Variants in DSG3 observed in about 807,000 individuals in gnomAD.
DSG3 encodes the protein desmoglein 3.
Under a neutral mutation model 85.9 loss-of-function variants are expected in DSG3, and 63 were observed. The ratio of observed to expected loss-of-function variants is 0.73; its 90% confidence interval spans 0.60 to 0.90. The LOEUF is 0.90. DSG3 is among the 40% of genes least tolerant of loss of function. DSG3 has a pLI of 0.00. For missense variants in DSG3, 1,220 were observed against 1,219.9 expected, an observed-to-expected ratio of 1.00 and a Z score of 0.00; for synonymous variants, 447 against 441.9, an observed-to-expected ratio of 1.01 and a Z score of -0.14.
chr18:31,472,331 G>A lies in DSG3; in HGVS notation c.1945G>A (p.Gly649Arg). 1.9e-6 allele frequency: 3 copies of A among 1,614,144 alleles called. No homozygotes were observed. Among genetic ancestry groups the A allele is most frequent in the Non-Finnish European group, 2.5e-6 (3 of 1,180,000 alleles). Reference protein sequence around the residue: ...LTCDCGAGSTGGVTGGFIPVP... With the variant: ...LTCDCGAGSTRGVTGGFIPVP... ...CTGTGACTGTGGGGCAGGTTCTACTGGGGGAGTGACAGGTGGTTTTATCCC... is the reference window on the plus strand; with the variant it reads ...CTGTGACTGTGGGGCAGGTTCTACTAGGGGAGTGACAGGTGGTTTTATCCC... The change falls in exon 13 of 16, where the codon GGG (glycine) becomes AGG (arginine). Residue 649 changes from glycine to arginine, a missense_variant. Physicochemically the swap from Gly to Arg is moderately radical, Grantham distance 125. Transcript: ENST00000257189.
intron 11 of DSG3, among the ~76,000 whole-genome samples, 197 bp from the exon 12 acceptor site, chr18:31,468,892 C>G (rs1035233026): frequency 2.6e-5 from 4 of 152,092 alleles, no homozygotes; most frequent in Non-Finnish European, 5.9e-5. Context: ...CCACCTTCCA[C>G]CGTGGGATGA....
chr18:31,476,391 C>A lies in DSG3; in HGVS notation c.*131C>A. On this transcript the variant is annotated 3_prime_UTR_variant, in exon 16 of 16. Transcript: ENST00000257189. The stretch of plus-strand genomic sequence containing the variant: ...ATTAGCTTCTCTCATAAACTGATCA[C>A]GATTATAAATTAAATGTTTGGGTTC... 9.4e-7 allele frequency: 1 copy of A among 1,065,408 alleles called. No individual in the cohort carries two copies. Among genetic ancestry groups the A allele is most frequent in the Non-Finnish European group, 1.3e-6 (1 of 762,544 alleles). The allele number at this position is 1,065,408 out of a possible 1,614,324, so 66.0% of individuals were successfully genotyped here.
At chr18:31,466,968 C>T (rs567768383) in intron 11 of DSG3, among the ~76,000 whole-genome samples, 1 of 152,130 alleles carries the variant, frequency 6.6e-6, no homozygotes, top group Non-Finnish European at 1.5e-5. Flanking sequence ...ATTTTGAATC[C>T]TTTTTAGGGT....
At chr18:31,459,671 C>T (rs2072771206) in intron 5 of DSG3, among the ~76,000 whole-genome samples, 174 bp from the exon 6 acceptor site, 1 of 152,072 alleles carries the variant, frequency 6.6e-6, no homozygotes, top group Admixed American at 6.6e-5. Context: ...CACAGTTCTA[C>T]CTGGTTGGGA....
Position 31,469,357 on chromosome 18 carries a change from G to A in DSG3, c.1897+8G>A. 6.2e-7 allele frequency: 1 copy of A among 1,612,112 alleles called. No individual in the cohort carries two copies. The highest frequency in any genetic ancestry group is 8.5e-7 in the Non-Finnish European group (1 of 1,179,830). On this transcript the variant is annotated splice_region_variant and intron_variant, in intron 12 of 15. Coordinates refer to ENST00000257189, the MANE Select transcript of DSG3 (RefSeq NM_001944.3). ...GTCTCCTGCTGCTGCTGTGTGAGTA[G>A]CCAATGTTTCATTCTCTGTTGGACC...
In DSG3 at chr18:31,472,421, A is replaced by G; in HGVS notation, c.2035A>G (p.Lys679Glu). The G allele has an allele frequency of 6.2e-7, 1 of 1,612,228 alleles. No individual in the cohort carries two copies. The highest frequency in any genetic ancestry group is 8.5e-7 in the Non-Finnish European group (1 of 1,179,544). Residue 679 changes from lysine (K) to glutamate (E), a missense_variant and splice_region_variant, in exon 13 of 16, where the codon AAG (lysine) becomes GAG (glutamate). Coordinates refer to ENST00000257189, the MANE Select transcript of DSG3 (RefSeq NM_001944.3). Reference protein sequence around the residue: ...WGIEGAHPEDKEITNICVPPV... With the variant: ...WGIEGAHPEDEEITNICVPPV... ...AATTGAAGGAGCCCATCCTGAAGAC[A>G]AGGTAAGCATCCAGTTCATAAATTA...
Position 31,477,087 on chromosome 18 carries a change from T to C in DSG3, c.*827T>C, listed in dbSNP as rs1243157434. On this transcript the variant is annotated 3_prime_UTR_variant, in exon 16 of 16. Transcript: ENST00000257189. Reference sequence around the variant, plus strand: ...TCTTGGTGCTGGGAAGCCATATATGTGTCTTTTACTCAAGCTAAGGGGTAT... The same window carrying C: ...TCTTGGTGCTGGGAAGCCATATATGCGTCTTTTACTCAAGCTAAGGGGTAT... 2 of 152,180 alleles carry C rather than the reference T, an allele frequency of 1.3e-5. No homozygotes were observed. The highest frequency in any genetic ancestry group is 4.8e-5 in the African/African-American group (2 of 41,442). The allele number at this position is 152,180 out of a possible 1,614,324, so 9.4% of individuals were successfully genotyped here.
intron 15 of DSG3, among the ~76,000 whole-genome samples, chr18:31,475,303 T>C (rs1406956253): frequency 6.6e-6 from 1 of 152,070 alleles, no homozygotes; most frequent in Non-Finnish European, 1.5e-5. Flanking sequence ...ATATTGTGTT[T>C]GAAGAAAGAC....
At position 31,459,841 on chromosome 18, in the gene DSG3, C is replaced by G. The variant is rs780632822; in HGVS notation, c.518-4C>G. 1.9e-6 allele frequency: 3 copies of G among 1,609,934 alleles called. No homozygotes were observed. The highest frequency in any genetic ancestry group is 1.7e-4 in the Middle Eastern group (1 of 6,038). Reference sequence around the variant, plus strand: ...CTTTAATAAACGTTTTCCTGTATTCCTAGACTCACTGGTGATGATACTAAA... The same window carrying G: ...CTTTAATAAACGTTTTCCTGTATTCGTAGACTCACTGGTGATGATACTAAA... On this transcript the variant is annotated splice_polypyrimidine_tract_variant and splice_region_variant and intron_variant, in intron 5 of 15. Coordinates refer to ENST00000257189, the MANE Select transcript of DSG3 (RefSeq NM_001944.3).
rs765937980 is a variant in DSG3 at position 31,475,774 on chromosome 18, T to C, written c.2514T>C (p.Ala838=). 17 of 1,614,198 alleles carry C rather than the reference T, an allele frequency of 1.1e-5. No individual in the cohort carries two copies. The South Asian group carries it at 1.3e-4, about 13-fold the overall frequency. ...CCGTGGGTTGTTGCAGTTTTATTGC[T>C]GATGACCTGGATGACAGCTTCTTGG... ...VGSVGCCSFI[A]DDLDDSFLDS... is the part of the protein sequence containing the mutation. Residue 838 remains alanine, a synonymous_variant, in exon 16 of 16, where the codon GCT becomes GCC. Transcript: ENST00000257189.
intron 1 of DSG3, among the ~76,000 whole-genome samples, chr18:31,448,137 G>C (rs1462182620): frequency 2.6e-5 from 4 of 152,126 alleles, no homozygotes; most frequent in Non-Finnish European, 4.4e-5. Flanking sequence ...AGAAAGAAAT[G>C]AGTTTTAAAA....
At chr18:31,451,423 G>A (rs1042352454) in intron 1 of DSG3, among the ~76,000 whole-genome samples, 3 of 152,164 alleles carry the variant, frequency 2.0e-5, no homozygotes, top group African/African-American at 7.2e-5. Context: ...AAAAAAAAGA[G>A]AGAAGCAGTT....
At chr18:31,473,193 C>T (rs1056086443) in intron 14 of DSG3, among the ~76,000 whole-genome samples, 34 of 152,202 alleles carry the variant, frequency 2.2e-4, no homozygotes, top group Non-Finnish European at 7.3e-5. Flanking sequence ...GTCATATTTT[C>T]AGTTAAAGTC....
intron 11 of DSG3, among the ~76,000 whole-genome samples, chr18:31,467,857 T>C (rs1248409444): frequency 6.6e-6 from 1 of 152,228 alleles, no homozygotes; most frequent in Non-Finnish European, 1.5e-5. Flanking sequence ...ATGGTCATCT[T>C]TCCTTGGGCC....
chr18:31,474,106 C>A lies in DSG3; in HGVS notation c.2102-15C>A. The A allele has an allele frequency of 6.2e-7, 1 of 1,602,744 alleles. No homozygotes were observed. Among genetic ancestry groups the A allele is most frequent in the Non-Finnish European group, 8.5e-7 (1 of 1,171,442 alleles). Reference sequence around the variant, plus strand: ...ACAGCATAAGATATTACAGAATGTTCTCCCTTGTTTTTAGAAGTTTGTACA... The same window carrying A: ...ACAGCATAAGATATTACAGAATGTTATCCCTTGTTTTTAGAAGTTTGTACA... On this transcript the variant is annotated splice_polypyrimidine_tract_variant and intron_variant, in intron 14 of 15. Transcript: ENST00000257189.
intron 5 of DSG3, among the ~76,000 whole-genome samples, 157 bp downstream of exon 5, chr18:31,459,334 A>G (rs1337779946): frequency 1.3e-5 from 2 of 152,228 alleles, no homozygotes; most frequent in Non-Finnish European, 2.9e-5. Context: ...CTTCCTTTCT[A>G]AAATGTGTAT....
chr18:31,467,210 G>T (rs28757858), intron 11 of DSG3, among the ~76,000 whole-genome samples: 1 of 151,970 alleles, frequency 6.6e-6, no homozygotes, highest in Non-Finnish European at 1.5e-5. Flanking sequence ...GTGTGCTGGC[G>T]CATGCCTGTA....
rs2144277678 is a variant in DSG3 at position 31,465,379 on chromosome 18, A to G, written c.1333A>G (p.Lys445Glu). 1 of 1,549,832 alleles carries G rather than the reference A, an allele frequency of 6.5e-7. No homozygotes were observed. The highest frequency in any genetic ancestry group is 2.4e-5 in the East Asian group (1 of 41,890). The change falls in exon 10 of 16, where the codon AAA (lysine) becomes GAA (glutamate). Residue 445 changes from lysine to glutamate, a missense_variant. Coordinates refer to ENST00000257189, the MANE Select transcript of DSG3 (RefSeq NM_001944.3). ...LMIDSKTAEI[K>E]FVKNMNRDST... ...GATTGATTCAAAAACTGCTGAAATCAAATTTGTCAAAAATATGAACCGAGA... is the reference window on the plus strand; with the variant it reads ...GATTGATTCAAAAACTGCTGAAATCGAATTTGTCAAAAATATGAACCGAGA...
At chr18:31,450,259 G>A (rs1374858008) in intron 1 of DSG3, among the ~76,000 whole-genome samples, 1 of 152,138 alleles carries the variant, frequency 6.6e-6, no homozygotes, top group African/African-American at 2.4e-5. Context: ...GCCAAAAGGA[G>A]ATCTCTTGGG....
Sources: gnomAD v4.1 joint callset for allele counts (sites outside exome capture counted in the v4.1 genomes callset) on GRCh38, gnomAD v4.1.1 for gene constraint, MANE v1.5 for transcripts, NCBI Gene and HGNC (gene_info 2026-07-23, HGNC 2026-07-21) for gene names.